CNTN4: variants seen among roughly 807,000 people sequenced by gnomAD.
The protein encoded by CNTN4 is contactin-4.
CNTN4 carries 77 observed loss-of-function variants against 122.5 expected under a neutral mutation model. The ratio of observed to expected loss-of-function variants is 0.63; its 90% CI spans 0.52 to 0.76. CNTN4 has a LOEUF of 0.76. Ranked by LOEUF, CNTN4 falls within the 30% of genes least tolerant of loss-of-function variation. The probability of loss-of-function intolerance (pLI) is 0.00; values close to 1 mark genes in which losing one functional copy is unlikely to be tolerated. For synonymous variants in CNTN4, 512 were observed against 447.0 expected (o/e 1.15, Z -1.83); for missense variants, 1,256 against 1,259.1 (o/e 1.00, Z 0.04).
In CNTN4 at chr3:2,314,973, A is replaced by G. The variant is rs533153667; in HGVS notation, c.-144-24205A>G. 4.6e-5 allele frequency among the ~76,000 whole-genome samples: 7 copies of G among 152,160 alleles called. No individual in the cohort carries two copies. The East Asian group carries it at 1.3e-3, about 29-fold the overall frequency. Reference sequence around the variant, plus strand: ...TGGTAAACAGGAAAAAGAAAAATTAATGCCCACTGTTTCAGAGGTTTTCAA... The same window carrying G: ...TGGTAAACAGGAAAAAGAAAAATTAGTGCCCACTGTTTCAGAGGTTTTCAA... On this transcript the variant is annotated intron_variant, in intron 2 of 24. Coordinates refer to ENST00000418658, the MANE Select transcript of CNTN4 (RefSeq NM_175607.3).
intron 2 of CNTN4, among the ~76,000 whole-genome samples, chr3:2,246,627 C>G (rs2040162941): frequency 2.6e-5 from 4 of 151,802 alleles, no homozygotes; most frequent in Non-Finnish European, 5.9e-5. Flanking sequence ...TGTGTATATA[C>G]TATTATAGGA....
intron 4 of CNTN4, among the ~76,000 whole-genome samples, chr3:2,572,840 G>T (rs1051953800): frequency 6.6e-6 from 1 of 152,120 alleles, no homozygotes; most frequent in Non-Finnish European, 1.5e-5. Flanking sequence ...ACAACTTGTT[G>T]TAGTAGATTA....
intron 3 of CNTN4, among the ~76,000 whole-genome samples, chr3:2,404,499 TTC>T (rs1375678193): frequency 6.6e-6 from 1 of 152,150 alleles, no homozygotes; most frequent in Non-Finnish European, 1.5e-5. Flanking sequence ...TCTTCTCACA[TTC>T]TCTCTGCTCT....
At chr3:2,186,709 G>T (rs1232299225) in intron 2 of CNTN4, among the ~76,000 whole-genome samples, 1 of 152,164 alleles carries the variant, frequency 6.6e-6, no homozygotes, top group Non-Finnish European at 1.5e-5. Flanking sequence ...TCATGTGTCT[G>T]TTGGCTGCAT....
chr3:2,969,236 A>G (rs191916268), intron 13 of CNTN4, among the ~76,000 whole-genome samples: 11 of 152,264 alleles, frequency 7.2e-5, no homozygotes, highest in African/African-American at 2.6e-4. Flanking sequence ...AATGACCCCT[A>G]GCGGATTATC....
intron 4 of CNTN4, among the ~76,000 whole-genome samples, chr3:2,658,720 T>C (rs2083715254): frequency 1.3e-5 from 2 of 152,142 alleles, no homozygotes; most frequent in African/African-American, 4.8e-5. Flanking sequence ...AAGTGAGTAG[T>C]AGTATTCACA....
intron 6 of CNTN4, among the ~76,000 whole-genome samples, chr3:2,752,245 G>A (rs1004084842): frequency 2.6e-5 from 4 of 152,192 alleles, no homozygotes; most frequent in African/African-American, 9.7e-5. Context: ...ATGTGTAAAT[G>A]ATCAAATCAG....
intron 4 of CNTN4, among the ~76,000 whole-genome samples, chr3:2,613,871 C>T (rs2600305): frequency 0.21 from 32,507 of 152,004 alleles, 3,846 homozygotes; most frequent in Admixed American, 0.3. Context: ...TTCTGTTCCA[C>T]ATTGAATAAA....
At chr3:2,995,605 A>T (rs1038163898) in intron 14 of CNTN4, among the ~76,000 whole-genome samples, 1 of 152,214 alleles carries the variant, frequency 6.6e-6, no homozygotes, top group Non-Finnish European at 1.5e-5. Context: ...TGCTTTTGGC[A>T]TAAAAGACAC....
chr3:2,919,488 T>A (rs1354369475), intron 12 of CNTN4, among the ~76,000 whole-genome samples: 2 of 152,116 alleles, frequency 1.3e-5, no homozygotes, highest in African/African-American at 4.8e-5. Flanking sequence ...AGATCCAGGA[T>A]ACATATTCTT....
Position 2,183,881 on chromosome 3 carries a change from G to A in CNTN4, c.-145+83242G>A, listed in dbSNP as rs141524054. ...CTCTCCTATTAGAAGAAACAAATAC[G>A]TTTGGAAAAAAATATTTTTGGATAG... On this transcript the variant is annotated intron_variant, in intron 2 of 24. Transcript: ENST00000418658. 8.5e-5 allele frequency among the ~76,000 whole-genome samples: 13 copies of A among 152,158 alleles called. 1 individual carries two copies. The South Asian group carries it at 1.0e-3, about 12-fold the overall frequency.
intron 2 of CNTN4, among the ~76,000 whole-genome samples, chr3:2,329,192 A>G (rs1575388341): frequency 6.6e-6 from 1 of 152,322 alleles, no homozygotes; most frequent in East Asian, 1.9e-4. Context: ...ACTGTCTACC[A>G]GCAGAAGTGC....
chr3:2,493,057 G>C (rs965141173), intron 3 of CNTN4, among the ~76,000 whole-genome samples: 3 of 152,220 alleles, frequency 2.0e-5, no homozygotes, highest in Non-Finnish European at 4.4e-5. Context: ...ACATTTTACT[G>C]TTAGTATCTG....
chr3:2,735,322 G>T lies in CNTN4; in HGVS notation c.56-893G>T, dbSNP rs192589004. ...AGATGCATTTTGAACAATATTTATT[G>T]TGTGCATAGTCTAGAAGCATGTGTA... On this transcript the variant is annotated intron_variant, in intron 4 of 24. Transcript: ENST00000418658. Among the ~76,000 whole-genome samples the T allele has an allele frequency of 2.4e-3, 358 of 152,324 alleles. 6 individuals carry two copies. The highest frequency in any genetic ancestry group is 0.021 in the Admixed American group (322 of 15,306).
chr3:2,586,283 GT>G (rs1180569626), intron 4 of CNTN4, among the ~76,000 whole-genome samples: 2 of 152,058 alleles, frequency 1.3e-5, no homozygotes, highest in Non-Finnish European at 2.9e-5. Flanking sequence ...TGTTGTTGTT[GT>G]TTTGTTTGTT....
intron 10 of CNTN4, among the ~76,000 whole-genome samples, chr3:2,895,776 T>C (rs981691651): frequency 2.0e-5 from 3 of 152,250 alleles, no homozygotes; most frequent in African/African-American, 7.2e-5. Flanking sequence ...GGCTCACGCC[T>C]GTCATCCCAG....
intron 11 of CNTN4, among the ~76,000 whole-genome samples, chr3:2,902,285 T>A (rs7635842): frequency 0.08 from 12,116 of 152,064 alleles, 624 homozygotes; most frequent in South Asian, 0.11. Flanking sequence ...ACGTACTAAC[T>A]TTGCCCCCTT....
chr3:2,988,772 GTC>G (rs1559758550), intron 14 of CNTN4: 1 of 338,882 alleles, frequency 3.0e-6, no homozygotes, highest in Admixed American at 4.2e-5. Flanking sequence ...TTTCTTTCAA[GTC>G]TCTATAGATT....
chr3:2,518,887 C>T (rs1347968826), intron 3 of CNTN4, among the ~76,000 whole-genome samples: 1 of 152,004 alleles, frequency 6.6e-6, no homozygotes, highest in Non-Finnish European at 1.5e-5. Flanking sequence ...TACATGGGAG[C>T]CGCCACAGGA....
Sources: gnomAD v4.1 joint callset for allele counts (sites outside exome capture counted in the v4.1 genomes callset) on GRCh38, gnomAD v4.1.1 for gene constraint, MANE v1.5 for transcripts, NCBI Gene and HGNC (gene_info 2026-07-23, HGNC 2026-07-21) for gene names.